ZNF132: variants seen among roughly 807,000 people sequenced by gnomAD.
The protein encoded by ZNF132 is zinc finger protein 132.
In ZNF132, 6 loss-of-function variants were observed where a neutral mutation model predicts 9.3. The observed-to-expected ratio is 0.65, with a 90% CI of 0.35 to 1.28. The LOEUF (loss-of-function observed/expected upper bound fraction) is 1.28. Ranked by LOEUF, ZNF132 falls within the 50% of genes most tolerant of loss-of-function variation. The pLI is 0.03. For synonymous variants in ZNF132, 296 were observed against 292.0 expected (o/e 1.01, Z -0.14); for missense variants, 877 against 843.2 (o/e 1.04, Z -0.50).
In ZNF132 at chr19:58,433,982, C is replaced by T; in HGVS notation, c.1462G>A (p.Glu488Lys). ...QKVHTGERPF[E>K]CCDCGKAFSN... ...AAGGCTTTACCACAATCACAGCATT[C>T]AAAAGGCCGTTCTCCAGTGTGAACT... Residue 488 changes from glutamate (E) to lysine (K), a missense_variant, in exon 3 of 3, where the codon GAA becomes AAA. Coordinates refer to ENST00000254166, the MANE Select transcript of ZNF132 (RefSeq NM_003433.4). 1 of 1,614,198 alleles carries T rather than the reference C, an allele frequency of 6.2e-7. No individual in the cohort carries two copies. The highest frequency in any genetic ancestry group is 8.5e-7 in the Non-Finnish European group (1 of 1,180,048).
chr19:58,435,932 T>C (rs2052770524), intron 2 of ZNF132, among the ~76,000 whole-genome samples: 1 of 152,112 alleles, frequency 6.6e-6, no homozygotes, highest in Non-Finnish European at 1.5e-5. Context: ...ACCTAAAAAA[T>C]GGAAACAAGC....
chr19:58,438,728 C>T (rs1311387377), intron 1 of ZNF132, among the ~76,000 whole-genome samples: 5 of 151,652 alleles, frequency 3.3e-5, no homozygotes, highest in African/African-American at 1.2e-4. Context: ...CTGCCTCGGC[C>T]TCCCAAAGTG....
In ZNF132 at chr19:58,433,856, G is replaced by A. The variant is rs778476407; in HGVS notation, c.1588C>T (p.Leu530=). The stretch of plus-strand genomic sequence containing the variant: ...GTGTGAATTCTCCAGTGCTGAATCA[G>A]GCTGGAGCTGCGGCTGAAGGATTTC... ...CRKSFSRSSS[L]IQHWRIHTGE... The change falls in exon 3 of 3, where the codon CTG becomes TTG. Residue 530 remains leucine, a synonymous_variant. Transcript: ENST00000254166. The A allele has an allele frequency of 6.2e-7, 1 of 1,614,220 alleles. No homozygotes were observed. The highest frequency in any genetic ancestry group is 1.1e-5 in the South Asian group (1 of 91,088).
At position 58,435,135 on chromosome 19, in the gene ZNF132, G is replaced by C. The variant is rs571894690; in HGVS notation, c.309C>G (p.Ile103Met). Residue 103 changes from isoleucine to methionine, a missense_variant, in exon 3 of 3, where the codon ATC (isoleucine) becomes ATG (methionine). Ile to Met is a conservative substitution (Grantham distance 10). Coordinates refer to ENST00000254166, the MANE Select transcript of ZNF132 (RefSeq NM_003433.4). ...TCTTGGTGGAAGGATCTGCATTAGG[G>C]ATCCTGACCTGTAACACTTCTACAG... The part of the protein sequence containing the change: ...NVSVEVLQVR[I>M]PNADPSTKKA... 14 of 1,614,174 alleles carry C rather than the reference G, an allele frequency of 8.7e-6. No homozygotes were observed. The East Asian group carries it at 2.7e-4, about 31-fold the overall frequency.
Position 58,433,961 on chromosome 19 carries a change from C to G in ZNF132, c.1483G>C (p.Ala495Pro), listed in dbSNP as rs377339578. 1.6e-5 allele frequency: 26 copies of G among 1,614,158 alleles called. No homozygotes were observed. The highest frequency in any genetic ancestry group is 2.0e-5 in the Non-Finnish European group (24 of 1,180,042). ...RPFECCDCGKAFSNSSTLIQH... is the reference protein window; with the variant it reads ...RPFECCDCGKPFSNSSTLIQH... Reference sequence around the variant, plus strand: ...ATGAGGGTGGAGCTATTACTGAAGGCTTTACCACAATCACAGCATTCAAAA... The same window carrying G: ...ATGAGGGTGGAGCTATTACTGAAGGGTTTACCACAATCACAGCATTCAAAA... Residue 495 changes from alanine (A) to proline (P), a missense_variant, in exon 3 of 3, where the codon GCC becomes CCC. Ala to Pro is a conservative substitution (Grantham distance 27). Coordinates refer to ENST00000254166, the MANE Select transcript of ZNF132 (RefSeq NM_003433.4).
chr19:58,439,632 C>G (rs2052790919), intron 1 of ZNF132, 127 bp downstream of exon 1: 2 of 1,041,080 alleles, frequency 1.9e-6, no homozygotes, highest in Non-Finnish European at 2.7e-6. Flanking sequence ...GGGCAGGGCC[C>G]AGGACCCACG....
Position 58,434,947 on chromosome 19 carries a change from C to T in ZNF132, c.497G>A (p.Gly166Glu), listed in dbSNP as rs1235236294. 6.2e-7 allele frequency: 1 copy of T among 1,614,160 alleles called. No homozygotes were observed. Among genetic ancestry groups the T allele is most frequent in the East Asian group, 2.2e-5 (1 of 44,876 alleles). ...CTTGTACCATCTAAAGGGCTTCCCT[C>T]CACTGTGCTCCTTCTGGTGCTGGTG... Reference protein sequence around the residue: ...NLHQHQKEHSGGKPFRWYKDR... With the variant: ...NLHQHQKEHSEGKPFRWYKDR... The change falls in exon 3 of 3, where the codon GGA becomes GAA. Residue 166 changes from glycine to glutamate, a missense_variant. Transcript: ENST00000254166.
Position 58,433,765 on chromosome 19 carries a change from T to C in ZNF132, c.1679A>G (p.Glu560Gly), listed in dbSNP as rs747377750. 2 of 1,614,172 alleles carry C rather than the reference T, an allele frequency of 1.2e-6. No individual in the cohort carries two copies. The highest frequency in any genetic ancestry group is 1.7e-6 in the Non-Finnish European group (2 of 1,180,024). Residue 560 changes from glutamate to glycine, a missense_variant, in exon 3 of 3, where the codon GAA becomes GGA. Coordinates refer to ENST00000254166, the MANE Select transcript of ZNF132 (RefSeq NM_003433.4). Reference sequence around the variant, plus strand: ...TTCTTTTGTGTGAACTCTCCAGTGTTCAATGAGAGTGGAGCTGTGAGCAAA... The same window carrying C: ...TTCTTTTGTGTGAACTCTCCAGTGTCCAATGAGAGTGGAGCTGTGAGCAAA... ...KAFAHSSTLI[E>G]HWRVHTKERP...
chr19:58,438,472 A>AT (rs35691687), intron 1 of ZNF132, among the ~76,000 whole-genome samples: 37,292 of 129,766 alleles, frequency 0.29, 6,837 homozygotes, highest in African/African-American at 0.49. Flanking sequence ...TCTAAGGTCA[A>AT]TTTTTTTTTT....
At position 58,433,554 on chromosome 19, in the gene ZNF132, A is replaced by G. The variant is rs756307501; in HGVS notation, c.1890T>C (p.Ser630=). 1.9e-6 allele frequency: 3 copies of G among 1,614,158 alleles called. No homozygotes were observed. The highest frequency in any genetic ancestry group is 1.7e-5 in the Admixed American group (1 of 60,016). ...VHTGERPYEC[S]ECGRAFSSNS... is the part of the protein sequence containing the mutation. Reference sequence around the variant, plus strand: ...TACTGCTAAAGGCTCTCCCACATTCACTGCATTCGTAAGGCCTTTCTCCAG... The same window carrying G: ...TACTGCTAAAGGCTCTCCCACATTCGCTGCATTCGTAAGGCCTTTCTCCAG... The change falls in exon 3 of 3, where the codon AGT becomes AGC. Residue 630 remains serine, a synonymous_variant. Transcript: ENST00000254166.
Position 58,434,303 on chromosome 19 carries a change from C to T in ZNF132, c.1141G>A (p.Gly381Arg). The change falls in exon 3 of 3, where the codon GGA (glycine) becomes AGA (arginine). Residue 381 changes from glycine to arginine, a missense_variant. Coordinates refer to ENST00000254166, the MANE Select transcript of ZNF132 (RefSeq NM_003433.4). ...TTGGAGCTTTGGCTGAAGGCTCTTCCACATTTCAGGCACTCAAAAGGCCTT... is the reference window on the plus strand; with the variant it reads ...TTGGAGCTTTGGCTGAAGGCTCTTCTACATTTCAGGCACTCAAAAGGCCTT... ...GERPFECLKC[G>R]RAFSQSSNFL... The T allele has an allele frequency of 6.2e-7, 1 of 1,614,180 alleles. No homozygotes were observed. Among genetic ancestry groups the T allele is most frequent in the Non-Finnish European group, 8.5e-7 (1 of 1,180,030 alleles).
intron 1 of ZNF132, 136 bp downstream of exon 1, chr19:58,439,623 G>C: frequency 1.1e-6 from 1 of 893,984 alleles, no homozygotes; most frequent in Non-Finnish European, 1.6e-6. Context: ...TGACTCCCAG[G>C]GCAGGGCCCA....
At chr19:58,437,237 G>T (rs1467874292) in intron 1 of ZNF132, 22 bp from the exon 2 acceptor site, 1 of 1,567,930 alleles carries the variant, frequency 6.4e-7, no homozygotes, top group African/African-American at 1.4e-5. Flanking sequence ...ACAAACAATT[G>T]GTCAAATGGA....
rs146859073 is a variant in ZNF132, at chr19:58,439,999, G to A, written c.-178C>T. On this transcript the variant is annotated 5_prime_UTR_variant, in exon 1 of 3. Transcript: ENST00000254166. ...GACGCGTGGCGCTGGCTCCACTTTC[G>A]GGAACACCTTGGCTCATAAAAGCAG... 71 of 634,722 alleles carry A rather than the reference G, an allele frequency of 1.1e-4. No individual in the cohort carries two copies. The highest frequency in any genetic ancestry group is 1.1e-3 in the African/African-American group (57 of 51,726). 39.3% of individuals were successfully genotyped at this position (634,722 alleles called of 1,614,324 possible).
chr19:58,439,020 C>T (rs905251757), intron 1 of ZNF132, among the ~76,000 whole-genome samples: 5 of 149,754 alleles, frequency 3.3e-5, no homozygotes, highest in Admixed American at 6.7e-5. Context: ...GTGATCTGGC[C>T]GCCTTGGCCT....
chr19:58,433,774 G>T lies in ZNF132; in HGVS notation c.1670C>A (p.Thr557Asn). The T allele has an allele frequency of 6.2e-7, 1 of 1,614,168 alleles. No homozygotes were observed. The highest frequency in any genetic ancestry group is 1.3e-5 in the African/African-American group (1 of 75,038). Residue 557 changes from threonine to asparagine, a missense_variant, in exon 3 of 3, where the codon ACT becomes AAT. Physicochemically the swap from Thr to Asn is moderately conservative, Grantham distance 65. Transcript: ENST00000254166. ...ECGKAFAHSS[T>N]LIEHWRVHTK... ...GTGAACTCTCCAGTGTTCAATGAGA[G>T]TGGAGCTGTGAGCAAAGGCTTTCCC... is the stretch of plus-strand genomic sequence containing the variant.
chr19:58,436,632 C>T (rs1181198296), intron 2 of ZNF132, among the ~76,000 whole-genome samples: 1 of 136,074 alleles, frequency 7.3e-6, no homozygotes, highest in East Asian at 2.4e-4. Flanking sequence ...CACGCCACTG[C>T]ACTCCAGCCT....
chr19:58,440,097 G>A lies in ZNF132; in HGVS notation c.-276C>T. 1.5e-5 allele frequency: 7 copies of A among 480,214 alleles called. No individual in the cohort carries two copies. The South Asian group carries it at 1.6e-4, about 11-fold the overall frequency. 29.7% of individuals were successfully genotyped at this position (480,214 alleles called of 1,614,324 possible). A position where few individuals can be genotyped will look rare whatever the true frequency, so the allele number is the denominator to read the frequency against. Reference sequence around the variant, plus strand: ...CCTGCACCCACTCCCGTGCCCTGGTGTGGCTCCAGAGGCCTGCTGTAGCCC... The same window carrying A: ...CCTGCACCCACTCCCGTGCCCTGGTATGGCTCCAGAGGCCTGCTGTAGCCC... On this transcript the variant is annotated 5_prime_UTR_variant, in exon 1 of 3. Transcript: ENST00000254166.
Position 58,439,921 on chromosome 19 carries a change from G to A in ZNF132, c.-100C>T, listed in dbSNP as rs926810484. 20 of 1,272,028 alleles carry A rather than the reference G, an allele frequency of 1.6e-5. No individual in the cohort carries two copies. Among genetic ancestry groups the A allele is most frequent in the South Asian group, 8.3e-5 (6 of 72,186 alleles). The allele number at this position is 1,272,028 out of a possible 1,614,324, so 78.8% of individuals were successfully genotyped here. On this transcript the variant is annotated 5_prime_UTR_variant, in exon 1 of 3. Coordinates refer to ENST00000254166, the MANE Select transcript of ZNF132 (RefSeq NM_003433.4). ...ACCTGTCTTCCCAAATGCAAAATGC[G>A]CGCAAGGCCTCTGGGCACCGCAGGG...
Sources: allele counts gnomAD v4.1 joint callset (sites outside exome capture counted in the v4.1 genomes callset), GRCh38; gene constraint gnomAD v4.1.1; transcripts MANE v1.5; gene names NCBI Gene and HGNC (gene_info 2026-07-23, HGNC 2026-07-21).